Variants in ANOS1 observed in about 807,000 individuals in gnomAD.
ANOS1 encodes the protein anosmin 1, also known as anosmin-1.
Under a neutral mutation model 59.0 loss-of-function variants are expected in ANOS1, and 6 were observed. The ratio of observed to expected loss-of-function variants is 0.10; its 90% confidence interval spans 0.06 to 0.20. The LOEUF is 0.20. Among genes scored for constraint, ANOS1 ranks in the 10% least tolerant of loss-of-function variants. ANOS1 has a pLI of 1.00. For synonymous variants in ANOS1, 217 were observed against 223.4 expected, an observed-to-expected ratio of 0.97 and a Z score of 0.25; for missense variants, 433 against 542.3, an observed-to-expected ratio of 0.80 and a Z score of 2.00.
chrX:8,631,650 A>G (rs16985076), intron 2 of ANOS1, among the ~76,000 whole-genome samples: 11,201 of 111,437 alleles, frequency 0.1, 801 homozygotes, highest in South Asian at 0.25. Flanking sequence ...AAACGGAGGA[A>G]GTCTGACTGA....
intron 3 of ANOS1, among the ~76,000 whole-genome samples, chrX:8,618,167 T>C (rs1380288194): frequency 7.1e-5 from 8 of 112,100 alleles, no homozygotes; most frequent in African/African-American, 2.6e-4. Flanking sequence ...GTTATGGGAA[T>C]CAAATCTATA....
intron 8 of ANOS1, among the ~76,000 whole-genome samples, chrX:8,567,985 GT>G (rs1323759941): frequency 1.8e-5 from 2 of 112,349 alleles, no homozygotes; most frequent in Non-Finnish European, 3.8e-5. Context: ...GACACAATAA[GT>G]TTTCTTAAAT....
At chrX:8,629,123 C>A (rs147216805) in intron 2 of ANOS1, among the ~76,000 whole-genome samples, 1 of 111,217 alleles carries the variant, frequency 9.0e-6, no homozygotes, top group Non-Finnish European at 1.9e-5. Flanking sequence ...GTAGTGTGCA[C>A]CTGTAGTCCC....
intron 3 of ANOS1, among the ~76,000 whole-genome samples, chrX:8,610,044 T>A (rs1295956031): frequency 1.3e-5 from 1 of 75,061 alleles, no homozygotes. Context: ...AACAACAACC[T>A]TTAAAGAGCA....
chrX:8,615,053 C>T (rs1160771960), intron 3 of ANOS1, among the ~76,000 whole-genome samples: 6 of 110,254 alleles, frequency 5.4e-5, no homozygotes, highest in African/African-American at 2.0e-4. Context: ...TTCTTCAAAA[C>T]ATTTCCACTT....
At chrX:8,584,477 T>C (rs182663228) in intron 6 of ANOS1, among the ~76,000 whole-genome samples, 318 of 112,026 alleles carry the variant, frequency 2.8e-3, no homozygotes, top group African/African-American at 9.6e-3. Flanking sequence ...TTTGTTAATG[T>C]CCCAATAAAT....
Position 8,605,886 on chromosome X carries a change from GTC to G in ANOS1, c.319-8632_319-8631del, listed in dbSNP as rs1289427244. Reference sequence around the variant, plus strand: ...GAAGAAAATATAATTGCTACCAAATGTCTCTCTACTAAATTTAGTATGTGAAG... The same window carrying G: ...GAAGAAAATATAATTGCTACCAAATGTCTCTACTAAATTTAGTATGTGAAG... On this transcript the variant is annotated intron_variant, in intron 3 of 13. Transcript: ENST00000262648. Among the ~76,000 whole-genome samples, 4 of 108,930 alleles carry G rather than the reference GTC, an allele frequency of 3.7e-5. No homozygotes were observed. The East Asian group carries it at 1.2e-3, about 32-fold the overall frequency. 94.6% of individuals were successfully genotyped at this position (108,930 alleles called of 115,157 possible).
intron 2 of ANOS1, among the ~76,000 whole-genome samples, chrX:8,636,581 A>C (rs1325346419): frequency 8.9e-6 from 1 of 112,118 alleles, no homozygotes; most frequent in African/African-American, 3.2e-5. Flanking sequence ...CAGTGAGACC[A>C]ATCAGCAACA....
intron 1 of ANOS1, among the ~76,000 whole-genome samples, chrX:8,728,297 T>C (rs1010466982): frequency 8.9e-5 from 10 of 112,136 alleles, no homozygotes; most frequent in African/African-American, 2.9e-4. Flanking sequence ...AAAAGAGTAG[T>C]ACTTGTAAAA....
rs182451280 is a variant in ANOS1 at position 8,603,699 on chromosome X, T to C, written c.319-6443A>G. Among the ~76,000 whole-genome samples, 59 of 112,313 alleles carry C rather than the reference T, an allele frequency of 5.3e-4. 2 individuals carry two copies. The East Asian group carries it at 0.015, about 28-fold the overall frequency. On this transcript the variant is annotated intron_variant, in intron 3 of 13. Coordinates refer to ENST00000262648, the MANE Select transcript of ANOS1 (RefSeq NM_000216.4). ...TTTAAAATCACATAAATACAAGGCT[T>C]CAGCTATGAGGAGAACATTGCATTT...
chrX:8,679,545 C>CAA lies in ANOS1; in HGVS notation c.255+20151_255+20152dup, dbSNP rs201433193. ...AATATCCACCTTTAGGGATTTCTTG[C>CAA]AAAAAAAAAAAAAAGTCTTATCCTG... On this transcript the variant is annotated intron_variant, in intron 2 of 13. Coordinates refer to ENST00000262648, the MANE Select transcript of ANOS1 (RefSeq NM_000216.4). Among the ~76,000 whole-genome samples, 454 of 89,678 alleles carry CAA rather than the reference C, an allele frequency of 5.1e-3. 3 individuals carry two copies. The highest frequency in any genetic ancestry group is 0.017 in the African/African-American group (427 of 24,536). The allele number at this position is 89,678 out of a possible 115,157, so 77.9% of individuals were successfully genotyped here. A position where few individuals can be genotyped will look rare whatever the true frequency, so the allele number is the denominator to read the frequency against.
chrX:8,590,356 G>A (rs1323654988), intron 4 of ANOS1, among the ~76,000 whole-genome samples: 1 of 111,323 alleles, frequency 9.0e-6, no homozygotes, highest in Non-Finnish European at 1.9e-5. Context: ...TTGTTTGTTT[G>A]TTTGTTTGTT....
intron 1 of ANOS1, among the ~76,000 whole-genome samples, chrX:8,708,466 C>T (rs1459866274): frequency 9.0e-6 from 1 of 111,612 alleles, no homozygotes; most frequent in Non-Finnish European, 1.9e-5. Flanking sequence ...ATATGAACAG[C>T]ACTTCTCAAA....
intron 2 of ANOS1, among the ~76,000 whole-genome samples, chrX:8,660,098 C>T (rs1372646552): frequency 9.1e-6 from 1 of 110,350 alleles, no homozygotes; most frequent in Non-Finnish European, 1.9e-5. Flanking sequence ...ACCCACTGAA[C>T]ACAGGGGAGC....
At chrX:8,730,211 T>C (rs1932959524) in intron 1 of ANOS1, among the ~76,000 whole-genome samples, 1 of 112,437 alleles carries the variant, frequency 8.9e-6, no homozygotes, top group Non-Finnish European at 1.9e-5. Flanking sequence ...TTCTGTTGTT[T>C]CAAACAATAG....
At chrX:8,556,908 T>C (rs1489331387) in intron 8 of ANOS1, among the ~76,000 whole-genome samples, 1 of 111,640 alleles carries the variant, frequency 9.0e-6, no homozygotes, top group African/African-American at 3.3e-5. Flanking sequence ...GGAGGCATCA[T>C]GCTACCTGAT....
intron 9 of ANOS1, among the ~76,000 whole-genome samples, chrX:8,545,868 C>T (rs1490403579): frequency 1.8e-5 from 2 of 112,271 alleles, no homozygotes; most frequent in Non-Finnish European, 3.8e-5. Flanking sequence ...TTCTTTTCTT[C>T]CCTTATTTGC....
intron 2 of ANOS1, among the ~76,000 whole-genome samples, chrX:8,688,108 C>T (rs1412139224): frequency 9.0e-6 from 1 of 111,475 alleles, no homozygotes; most frequent in Non-Finnish European, 1.9e-5. Context: ...AAATGTGGAC[C>T]CCCCTTAAAT....
At chrX:8,639,175 A>G (rs951149460) in intron 2 of ANOS1, among the ~76,000 whole-genome samples, 1 of 111,625 alleles carries the variant, frequency 9.0e-6, no homozygotes, top group African/African-American at 3.2e-5. Flanking sequence ...TGATATTTAC[A>G]ATATAGATGA....
Sources: allele counts gnomAD v4.1 joint callset (sites outside exome capture counted in the v4.1 genomes callset), GRCh38; gene constraint gnomAD v4.1.1; transcripts MANE v1.5; gene names NCBI Gene and HGNC (gene_info 2026-07-23, HGNC 2026-07-21).